The following CSMD1 variants were observed in gnomAD, a reference collection of about 807,000 sequenced individuals.
CSMD1 encodes CUB and sushi domain-containing protein 1.
CSMD1 carries 213 observed loss-of-function variants against 417.5 expected under a neutral mutation model. The observed-to-expected ratio is 0.51, with a 90% CI of 0.46 to 0.57. The LOEUF (loss-of-function observed/expected upper bound fraction) is 0.57, where lower values mean the gene tolerates loss of function less well. Ranked by LOEUF, CSMD1 falls within the 20% of genes least tolerant of loss-of-function variation. The pLI is 0.00. For synonymous variants in CSMD1, 2,862 were observed against 1,736.8 expected (o/e 1.65, Z -16.11); for missense variants, 6,923 against 4,529.7 (o/e 1.53, Z -15.17).
intron 47 of CSMD1, among the ~76,000 whole-genome samples, chr8:3,096,106 GGAGA>G (rs1039633554): frequency 6.6e-6 from 1 of 152,158 alleles, no homozygotes; most frequent in South Asian, 2.1e-4. Flanking sequence ...ATTACATATA[GGAGA>G]GAGAGAAAGA....
chr8:4,102,690 A>ATAATGTTCTCC (rs1322928035), intron 3 of CSMD1, among the ~76,000 whole-genome samples: 1 of 152,220 alleles, frequency 6.6e-6, no homozygotes, highest in African/African-American at 2.4e-5. Flanking sequence ...ACATTTACTG[A>ATAATGTTCTCC]TAATGTTCTC....
intron 1 of CSMD1, among the ~76,000 whole-genome samples, chr8:4,664,935 G>T (rs981463425): frequency 6.6e-6 from 1 of 152,088 alleles, no homozygotes; most frequent in African/African-American, 2.4e-5. Context: ...GAATGTGTTT[G>T]GGAATTTTAG....
chr8:3,300,733 G>A (rs1286337135), intron 25 of CSMD1, among the ~76,000 whole-genome samples: 3 of 152,066 alleles, frequency 2.0e-5, no homozygotes, highest in Non-Finnish European at 2.9e-5. Context: ...GAGGCGGGCA[G>A]ATCATTGGAG....
intron 7 of CSMD1, among the ~76,000 whole-genome samples, chr8:3,646,625 A>G (rs1055143381): frequency 6.6e-6 from 1 of 152,196 alleles, no homozygotes; most frequent in Non-Finnish European, 1.5e-5. Flanking sequence ...AAAAATGAGT[A>G]ACTTTCTTGG....
intron 12 of CSMD1, among the ~76,000 whole-genome samples, chr8:3,444,835 T>C (rs1010304466): frequency 1.3e-5 from 2 of 152,140 alleles, no homozygotes; most frequent in African/African-American, 2.4e-5. Flanking sequence ...CCTCAGCAAG[T>C]AAATACAAAA....
At chr8:3,559,054 G>A (rs1225595342) in intron 10 of CSMD1, among the ~76,000 whole-genome samples, 1 of 152,200 alleles carries the variant, frequency 6.6e-6, no homozygotes, top group Non-Finnish European at 1.5e-5. Flanking sequence ...AAAGGACCAT[G>A]GAGAAGTGTT....
At chr8:4,333,773 T>G (rs929370360) in intron 3 of CSMD1, among the ~76,000 whole-genome samples, 4 of 152,154 alleles carry the variant, frequency 2.6e-5, no homozygotes, top group Non-Finnish European at 5.9e-5. Flanking sequence ...TAGGTAGCCT[T>G]GACCTGGGTC....
intron 3 of CSMD1, among the ~76,000 whole-genome samples, chr8:4,137,044 G>C (rs1232792850): frequency 6.6e-6 from 1 of 152,172 alleles, no homozygotes; most frequent in East Asian, 1.9e-4. Flanking sequence ...ACAGTTGGTT[G>C]GCTTTTCGGG....
chr8:4,006,159 A>C (rs181471995), intron 4 of CSMD1, among the ~76,000 whole-genome samples: 1 of 152,314 alleles, frequency 6.6e-6, no homozygotes, highest in East Asian at 1.9e-4. Context: ...ATGTACTGCA[A>C]ATTCCCCATG....
At chr8:3,926,105 ACACACACACAC>A (rs879481110) in intron 5 of CSMD1, among the ~76,000 whole-genome samples, 11,444 of 64,344 alleles carry the variant, frequency 0.18, 764 homozygotes, top group Middle Eastern at 0.36. Context: ...ACACACACAC[ACACACACACAC>A]ACACACACAC....
At chr8:3,635,981 A>G (rs1363101220) in intron 7 of CSMD1, among the ~76,000 whole-genome samples, 1 of 152,118 alleles carries the variant, frequency 6.6e-6, no homozygotes, top group East Asian at 1.9e-4. Flanking sequence ...CTCTTTTGTA[A>G]TAACACTTAG....
At chr8:3,951,387 G>A (rs991109544) in intron 5 of CSMD1, among the ~76,000 whole-genome samples, 6 of 152,214 alleles carry the variant, frequency 3.9e-5, no homozygotes, top group African/African-American at 1.4e-4. Flanking sequence ...TTAATTAAAT[G>A]AATGCAAAAG....
rs372972604 is a variant in CSMD1 at position 4,400,900 on chromosome 8, G to C, written c.415+19053C>G. Among the ~76,000 whole-genome samples the C allele has an allele frequency of 1.1e-4, 17 of 151,502 alleles. No homozygotes were observed. The South Asian group carries it at 3.3e-3, about 30-fold the overall frequency. On this transcript the variant is annotated intron_variant, in intron 3 of 69. Transcript: ENST00000635120. ...TGGATTTACCAGGTGCCAATCTTTT[G>C]TATATTGCAATGACTCAGTACAATA...
intron 3 of CSMD1, among the ~76,000 whole-genome samples, chr8:4,200,530 T>A (rs1411339868): frequency 6.6e-6 from 1 of 152,164 alleles, no homozygotes; most frequent in Non-Finnish European, 1.5e-5. Context: ...GAAATGTATA[T>A]TAATATAAAT....
chr8:3,565,159 A>AAAAAAAG (rs1554471702), intron 10 of CSMD1, among the ~76,000 whole-genome samples: 4 of 138,088 alleles, frequency 2.9e-5, no homozygotes, highest in African/African-American at 1.1e-4. Flanking sequence ...AAAAAAAAAA[A>AAAAAAAG]AGAGAGAGAT....
chr8:3,315,101 C>G (rs1022658966), intron 23 of CSMD1, among the ~76,000 whole-genome samples: 1 of 152,158 alleles, frequency 6.6e-6, no homozygotes, highest in East Asian at 1.9e-4. Context: ...TTACCTAAGA[C>G]ATTTCAATTG....
chr8:3,745,633 G>C (rs980866979), intron 6 of CSMD1, among the ~76,000 whole-genome samples: 2 of 152,196 alleles, frequency 1.3e-5, no homozygotes, highest in Non-Finnish European at 2.9e-5. Context: ...CTGAGACTCT[G>C]AAGCATTTGT....
At chr8:4,118,243 A>T (rs1802274783) in intron 3 of CSMD1, among the ~76,000 whole-genome samples, 1 of 152,202 alleles carries the variant, frequency 6.6e-6, no homozygotes, top group African/African-American at 2.4e-5. Flanking sequence ...TGTTCCAGCA[A>T]CTAAACTTCT....
intron 25 of CSMD1, among the ~76,000 whole-genome samples, chr8:3,296,282 C>T (rs1237874247): frequency 2.0e-5 from 3 of 151,506 alleles, no homozygotes; most frequent in Non-Finnish European, 4.4e-5. Context: ...AGAATTCAGC[C>T]AAGCAGAAGC....
Sources: gnomAD v4.1 joint callset for allele counts (sites outside exome capture counted in the v4.1 genomes callset) on GRCh38, gnomAD v4.1.1 for gene constraint, MANE v1.5 for transcripts, NCBI Gene and HGNC (gene_info 2026-07-23, HGNC 2026-07-21) for gene names.